Variants in CD9 observed in about 807,000 individuals in gnomAD.
CD9 encodes CD9 antigen.
A neutral mutation model predicts 31.4 loss-of-function variants in CD9; 10 were observed. The observed-to-expected ratio is 0.32, with a 90% confidence interval of 0.20 to 0.54. CD9 has a LOEUF of 0.54. Ranked by LOEUF, CD9 falls within the 20% of genes least tolerant of loss-of-function variation. The pLI is 0.94. For missense variants in CD9, 259 were observed against 300.1 expected (o/e 0.86, Z 1.01); for synonymous variants, 113 against 114.1 (o/e 0.99, Z 0.06).
chr12:6,208,750 G>C (rs754101864), intron 1 of CD9, among the ~76,000 whole-genome samples: 4 of 151,662 alleles, frequency 2.6e-5, no homozygotes, highest in Admixed American at 6.6e-5. Context: ...TTTTAGTAGA[G>C]ACGGGGTTTC....
intron 1 of CD9, among the ~76,000 whole-genome samples, chr12:6,214,998 C>A (rs1394620154): frequency 6.6e-6 from 1 of 152,174 alleles, no homozygotes; most frequent in Non-Finnish European, 1.5e-5. Flanking sequence ...CTTACCTCTT[C>A]CTGCCTTCCC....
intron 4 of CD9, 134 bp from the exon 5 acceptor site, chr12:6,235,095 C>G (rs1366835508): frequency 8.4e-6 from 6 of 711,478 alleles, no homozygotes; most frequent in East Asian, 2.5e-5. Context: ...CTGCCATCTG[C>G]CCAGTGACGT....
intron 2 of CD9, among the ~76,000 whole-genome samples, chr12:6,227,972 A>T (rs1186908629): frequency 6.6e-6 from 1 of 152,154 alleles, no homozygotes; most frequent in Admixed American, 6.5e-5. Flanking sequence ...ACCTCACAGG[A>T]TTCAGATCCT....
At chr12:6,227,347 T>C (rs1198501988) in intron 2 of CD9, among the ~76,000 whole-genome samples, 3 of 152,084 alleles carry the variant, frequency 2.0e-5, no homozygotes, top group Non-Finnish European at 4.4e-5. Flanking sequence ...TACAGGCATG[T>C]GCCACCATGC....
At chr12:6,208,098 C>A (rs1365961719) in intron 1 of CD9, among the ~76,000 whole-genome samples, 1 of 152,108 alleles carries the variant, frequency 6.6e-6, no homozygotes, top group African/African-American at 2.4e-5. Flanking sequence ...GTGGCAGGTG[C>A]CTGTAATCCC....
chr12:6,210,190 C>T (rs557113432), intron 1 of CD9, among the ~76,000 whole-genome samples: 3 of 152,254 alleles, frequency 2.0e-5, no homozygotes, highest in African/African-American at 7.2e-5. Flanking sequence ...TGGGGAAGGG[C>T]AGAGGCTCCG....
At chr12:6,235,665 C>T in intron 6 of CD9, 100 bp downstream of exon 6, 3 of 1,465,610 alleles carry the variant, frequency 2.0e-6, no homozygotes, top group Non-Finnish European at 2.7e-6. Flanking sequence ...TCAGCAAGAC[C>T]CGTTCTGCCT....
intron 1 of CD9, among the ~76,000 whole-genome samples, chr12:6,215,341 T>C (rs1005702304): frequency 6.6e-5 from 10 of 152,112 alleles, no homozygotes; most frequent in African/African-American, 2.4e-4. Context: ...TGATTATTGG[T>C]GTGTAAATGA....
chr12:6,217,659 G>A (rs2136615078), intron 1 of CD9, among the ~76,000 whole-genome samples: 1 of 152,312 alleles, frequency 6.6e-6, no homozygotes, highest in East Asian at 1.9e-4. Flanking sequence ...GTTGAAAATT[G>A]TGTATCATTT....
intron 1 of CD9, among the ~76,000 whole-genome samples, chr12:6,220,962 C>G (rs1352278571): frequency 6.6e-6 from 1 of 152,238 alleles, no homozygotes; most frequent in African/African-American, 2.4e-5. Flanking sequence ...CAGGACACCA[C>G]AGGACAGTTG....
chr12:6,211,082 C>T (rs570770720), intron 1 of CD9, among the ~76,000 whole-genome samples: 8 of 152,208 alleles, frequency 5.3e-5, no homozygotes, highest in Admixed American at 2.6e-4. Context: ...GTGATCCTCC[C>T]GCCTTGGCCT....
chr12:6,234,080 TCA>T (rs1203772779), intron 4 of CD9, among the ~76,000 whole-genome samples: 1 of 151,254 alleles, frequency 6.6e-6, no homozygotes, highest in African/African-American at 2.4e-5. Flanking sequence ...TCTTTTGGCT[TCA>T]TAGAGAAGGG....
At chr12:6,222,859 A>G (rs1946309927) in intron 1 of CD9, among the ~76,000 whole-genome samples, 1 of 152,144 alleles carries the variant, frequency 6.6e-6, no homozygotes, top group African/African-American at 2.4e-5. Flanking sequence ...CTCATCTTAC[A>G]GCTTAGTTCC....
At chr12:6,213,073 G>A (rs958736242) in intron 1 of CD9, among the ~76,000 whole-genome samples, 8 of 152,146 alleles carry the variant, frequency 5.3e-5, no homozygotes, top group Non-Finnish European at 8.8e-5. Flanking sequence ...CACAACCAGC[G>A]TCTTACGATT....
intron 1 of CD9, among the ~76,000 whole-genome samples, chr12:6,222,375 C>A (rs371194774): frequency 6.6e-6 from 1 of 152,156 alleles, no homozygotes; most frequent in African/African-American, 2.4e-5. Flanking sequence ...TTACTTGAAC[C>A]TTTCTCCTCT....
intron 1 of CD9, among the ~76,000 whole-genome samples, chr12:6,217,841 C>T (rs1369996746): frequency 2.6e-5 from 4 of 152,190 alleles, no homozygotes; most frequent in African/African-American, 7.2e-5. Flanking sequence ...GCATCCTCAG[C>T]AAGAAATCAC....
intron 6 of CD9, chr12:6,235,836 T>C (rs1946513387): frequency 7.3e-7 from 1 of 1,376,106 alleles, no homozygotes; most frequent in African/African-American, 1.5e-5. Flanking sequence ...TGCTTCTGAG[T>C]CTTGGACTCC....
chr12:6,216,183 C>T (rs976652738), intron 1 of CD9, among the ~76,000 whole-genome samples: 4 of 152,322 alleles, frequency 2.6e-5, no homozygotes, highest in African/African-American at 9.6e-5. Context: ...GGCCCAGAGC[C>T]CACAGGTCTG....
intron 1 of CD9, among the ~76,000 whole-genome samples, chr12:6,220,586 G>T (rs559622596): frequency 1.3e-5 from 2 of 152,334 alleles, no homozygotes; most frequent in Admixed American, 1.3e-4. Context: ...AGACCTGTCT[G>T]TGTCTTCGCA....
Sources: allele counts gnomAD v4.1 joint callset (sites outside exome capture counted in the v4.1 genomes callset), GRCh38; gene constraint gnomAD v4.1.1; transcripts MANE v1.5; gene names NCBI Gene and HGNC (gene_info 2026-07-23, HGNC 2026-07-21).